Variants in TASP1 observed in about 807,000 individuals in gnomAD.
TASP1 encodes the protein threonine aspartase 1.
A neutral mutation model predicts 56.6 loss-of-function variants in TASP1; 16 were observed. The observed-to-expected ratio is 0.28, with a 90% CI of 0.19 to 0.43. The LOEUF (loss-of-function observed/expected upper bound fraction) is 0.43. Among genes scored for constraint, TASP1 ranks in the 20% least tolerant of loss-of-function variants. The pLI is 1.00. For missense variants in TASP1, 393 were observed against 511.6 expected, an observed-to-expected ratio of 0.77 and a Z score of 2.24; for synonymous variants, 179 against 184.2, an observed-to-expected ratio of 0.97 and a Z score of 0.23.
intron 10 of TASP1, among the ~76,000 whole-genome samples, chr20:13,489,612 T>C (rs2043450258): frequency 6.6e-6 from 1 of 152,104 alleles, no homozygotes; most frequent in South Asian, 2.1e-4. Flanking sequence ...AACCAAAGGG[T>C]ACTGCTAGGT....
the TASP1 span, among the ~76,000 whole-genome samples, chr20:13,208,172 A>G: frequency 4.6e-5 from 7 of 152,226 alleles, no homozygotes; most frequent in Non-Finnish European, 7.3e-5. Flanking sequence ...CTATGCCATA[A>G]GACGACACTA....
chr20:13,151,942 C>T, the TASP1 span, among the ~76,000 whole-genome samples: 1 of 152,054 alleles, frequency 6.6e-6, no homozygotes, highest in Non-Finnish European at 1.5e-5. Flanking sequence ...CAACATGAGG[C>T]TGTCAAACAC....
At chr20:13,129,550 A>G in the TASP1 span, among the ~76,000 whole-genome samples, 3 of 152,382 alleles carry the variant, frequency 2.0e-5, no homozygotes, top group East Asian at 5.8e-4. Context: ...TTTAAAGACA[A>G]GTGACTAGGA....
intron 6 of TASP1, among the ~76,000 whole-genome samples, chr20:13,573,104 TA>T (rs1382219419): frequency 2.6e-5 from 4 of 152,176 alleles, no homozygotes; most frequent in Non-Finnish European, 5.9e-5. Context: ...TATCAACACA[TA>T]AAATGCAAAT....
chr20:13,378,153 T>A, the TASP1 span, among the ~76,000 whole-genome samples: 2 of 152,250 alleles, frequency 1.3e-5, no homozygotes, highest in Admixed American at 6.5e-5. Flanking sequence ...CTAGTTCTTT[T>A]AATGGTGACA....
At chr20:13,314,969 C>T in the TASP1 span, among the ~76,000 whole-genome samples, 2 of 151,890 alleles carry the variant, frequency 1.3e-5, no homozygotes, top group African/African-American at 2.4e-5. Context: ...TGAAAGTGGA[C>T]TTGGATTAGT....
the TASP1 span, among the ~76,000 whole-genome samples, chr20:13,373,212 T>A: frequency 6.6e-6 from 1 of 152,130 alleles, no homozygotes; most frequent in East Asian, 1.9e-4. Context: ...GTCAAGTACA[T>A]TGCATTTCCA....
In TASP1 at chr20:13,560,394, G is replaced by A. The variant is rs762463059; in HGVS notation, c.569-1280C>T. On this transcript the variant is annotated intron_variant, in intron 7 of 13. Transcript: ENST00000337743. ...TGCCAACACTAGCACACTTGCATTC[G>A]ACTAAATGGCATCAAGGAGAGGGAT... 1.6e-4 allele frequency among the ~76,000 whole-genome samples: 25 copies of A among 152,222 alleles called. No homozygotes were observed. The Middle Eastern group carries it at 0.01, about 62-fold the overall frequency.
At chr20:13,358,340 C>T in the TASP1 span, among the ~76,000 whole-genome samples, 1 of 152,324 alleles carries the variant, frequency 6.6e-6, no homozygotes, top group East Asian at 1.9e-4. Flanking sequence ...AAATTTGGTG[C>T]CGTGACTTGG....
the TASP1 span, among the ~76,000 whole-genome samples, chr20:13,112,652 C>G: frequency 6.6e-6 from 1 of 152,184 alleles, no homozygotes; most frequent in Non-Finnish European, 1.5e-5. Context: ...TTTTCCTTCA[C>G]AAGAAAGTTC....
At chr20:13,607,426 G>T (rs999628065) in intron 4 of TASP1, among the ~76,000 whole-genome samples, 38 of 152,340 alleles carry the variant, frequency 2.5e-4, no homozygotes, top group African/African-American at 8.2e-4. Flanking sequence ...AGAACTGTTT[G>T]CAAGGCTCCA....
downstream of TASP1, among the ~76,000 whole-genome samples, chr20:13,385,254 C>CA (rs1192731211): frequency 6.6e-6 from 1 of 152,190 alleles, no homozygotes; most frequent in Admixed American, 6.5e-5. Flanking sequence ...CCGTTAACAC[C>CA]ATTCCAGGTC....
chr20:13,560,430 C>G lies in TASP1; in HGVS notation c.569-1316G>C, dbSNP rs536952081. Among the ~76,000 whole-genome samples, 11 of 152,236 alleles carry G rather than the reference C, an allele frequency of 7.2e-5. No individual in the cohort carries two copies. The East Asian group carries it at 1.9e-3, about 27-fold the overall frequency. Reference sequence around the variant, plus strand: ...ATCAAGGAGAGGGATACGTCAAGCCCAAAGCCCATTAAGAGTACAGAGTTT... The same window carrying G: ...ATCAAGGAGAGGGATACGTCAAGCCGAAAGCCCATTAAGAGTACAGAGTTT... On this transcript the variant is annotated intron_variant, in intron 7 of 13. Coordinates refer to ENST00000337743, the MANE Select transcript of TASP1 (RefSeq NM_017714.3).
the TASP1 span, among the ~76,000 whole-genome samples, chr20:13,142,555 A>G: frequency 2.6e-5 from 4 of 151,980 alleles, no homozygotes; most frequent in Non-Finnish European, 5.9e-5. Context: ...GGCTAGAGAG[A>G]TTGTATTTGC....
chr20:13,528,417 T>C lies in TASP1; in HGVS notation c.874+16A>G. On this transcript the variant is annotated intron_variant, in intron 10 of 13. Transcript: ENST00000337743. Reference sequence around the variant, plus strand: ...AGGTTGAAGTTATGAGAAATGGTTATGAAAGCAGCAAATACCTGAGGTACT... The same window carrying C: ...AGGTTGAAGTTATGAGAAATGGTTACGAAAGCAGCAAATACCTGAGGTACT... 3.8e-6 allele frequency: 6 copies of C among 1,599,044 alleles called. No individual in the cohort carries two copies. Among genetic ancestry groups the C allele is most frequent in the Non-Finnish European group, 5.1e-6 (6 of 1,173,302 alleles).
chr20:13,394,739 A>G (rs1260120199), intron 13 of TASP1, among the ~76,000 whole-genome samples: 2 of 152,150 alleles, frequency 1.3e-5, no homozygotes, highest in Admixed American at 6.5e-5. Context: ...CTCCACACCA[A>G]TGGGATCCAC....
the TASP1 span, among the ~76,000 whole-genome samples, chr20:13,316,729 C>T: frequency 6.6e-6 from 1 of 151,466 alleles, no homozygotes; most frequent in Admixed American, 6.6e-5. Flanking sequence ...CAAAATTCAA[C>T]ACCCATTCAT....
At chr20:13,286,832 T>G in the TASP1 span, among the ~76,000 whole-genome samples, 1 of 152,292 alleles carries the variant, frequency 6.6e-6, no homozygotes, top group African/African-American at 2.4e-5. Context: ...GCCTATGTAA[T>G]AACAATCGCC....
chr20:13,191,672 T>C, the TASP1 span, among the ~76,000 whole-genome samples: 3 of 152,186 alleles, frequency 2.0e-5, no homozygotes, highest in Non-Finnish European at 4.4e-5. Context: ...TGGGGTTCTA[T>C]AGTGCAATTA....
Sources: gnomAD v4.1 joint callset for allele counts (sites outside exome capture counted in the v4.1 genomes callset) on GRCh38, gnomAD v4.1.1 for gene constraint, MANE v1.5 for transcripts, NCBI Gene and HGNC (gene_info 2026-07-23, HGNC 2026-07-21) for gene names.